The following CA10 variants were observed in gnomAD, a reference collection of about 807,000 sequenced individuals.
CA10 encodes carbonic anhydrase 10 (inactive), also known as carbonic anhydrase-related protein 10.
A neutral mutation model predicts 44.2 loss-of-function variants in CA10; 14 were observed. The ratio of observed to expected loss-of-function variants is 0.32; its 90% CI spans 0.21 to 0.50. The LOEUF is 0.50. Ranked by LOEUF, CA10 falls within the 20% of genes least tolerant of loss-of-function variation. The pLI is 0.99. For synonymous variants in CA10, 159 were observed against 141.6 expected (o/e 1.12, Z -0.87); for missense variants, 350 against 409.7 (o/e 0.85, Z 1.26).
Position 52,074,718 on chromosome 17 carries a change from G to T in CA10, c.62-2325C>A, listed in dbSNP as rs549478423. ...TGTAGTGCTTTAACTATAAATAAAA[G>T]AAATGTAATTTATAATAATATATAT... On this transcript the variant is annotated intron_variant, in intron 1 of 8. Transcript: ENST00000451037. 8.4e-4 allele frequency among the ~76,000 whole-genome samples: 127 copies of T among 151,856 alleles called. 1 individual carries two copies. The highest frequency in any genetic ancestry group is 2.9e-3 in the African/African-American group (121 of 41,406).
intron 3 of CA10, among the ~76,000 whole-genome samples, chr17:51,831,730 C>CAGA (rs1254847261): frequency 6.8e-6 from 1 of 146,208 alleles, no homozygotes; most frequent in African/African-American, 2.5e-5. Flanking sequence ...GCAGCAGCAG[C>CAGA]AGAAAAAGAC....
At chr17:51,824,062 A>G (rs1907919396) in intron 3 of CA10, among the ~76,000 whole-genome samples, 1 of 151,308 alleles carries the variant, frequency 6.6e-6, no homozygotes, top group Non-Finnish European at 1.5e-5. Flanking sequence ...AGATGAAAAC[A>G]TCATAACAAT....
At chr17:51,802,413 ATCT>A (rs1241935994) in intron 3 of CA10, among the ~76,000 whole-genome samples, 2 of 152,064 alleles carry the variant, frequency 1.3e-5, no homozygotes, top group East Asian at 3.9e-4. Flanking sequence ...AACTCATGTG[ATCT>A]TCATAAATGC....
chr17:51,671,815 C>T (rs1274279914), intron 4 of CA10, among the ~76,000 whole-genome samples: 2 of 152,164 alleles, frequency 1.3e-5, no homozygotes, highest in African/African-American at 2.4e-5. Context: ...TCCATGCTGG[C>T]CTTCTGGATT....
At chr17:51,780,577 G>A (rs1371261210) in intron 3 of CA10, among the ~76,000 whole-genome samples, 1 of 152,126 alleles carries the variant, frequency 6.6e-6, no homozygotes, top group African/African-American at 2.4e-5. Context: ...CATGATGAGG[G>A]GTAAGGATGC....
At chr17:51,916,221 G>A (rs980797279) in intron 3 of CA10, among the ~76,000 whole-genome samples, 1 of 152,304 alleles carries the variant, frequency 6.6e-6, no homozygotes, top group African/African-American at 2.4e-5. Context: ...AGGGGTAGAA[G>A]CTTAAACTGG....
intron 3 of CA10, among the ~76,000 whole-genome samples, chr17:51,827,472 CAT>C (rs1171221501): frequency 6.6e-6 from 1 of 152,092 alleles, no homozygotes; most frequent in African/African-American, 2.4e-5. Context: ...AATATGATAA[CAT>C]GTAGACATTA....
intron 2 of CA10, among the ~76,000 whole-genome samples, chr17:52,059,964 G>A (rs1236555111): frequency 6.6e-6 from 1 of 152,160 alleles, no homozygotes; most frequent in African/African-American, 2.4e-5. Context: ...AAGTGATCTG[G>A]TTCTAGGTCC....
intron 2 of CA10, among the ~76,000 whole-genome samples, chr17:52,051,932 G>A (rs1286268343): frequency 1.3e-5 from 2 of 152,018 alleles, no homozygotes; most frequent in Non-Finnish European, 2.9e-5. Flanking sequence ...TATACACCAT[G>A]GAATACTAGG....
intron 3 of CA10, among the ~76,000 whole-genome samples, chr17:51,905,526 CTTT>C (rs34606778): frequency 4.0e-5 from 4 of 99,818 alleles, no homozygotes; most frequent in African/African-American, 1.0e-4. Context: ...CCTATCAGTC[CTTT>C]TTTTTTTTTT....
intron 3 of CA10, among the ~76,000 whole-genome samples, chr17:51,854,649 C>T (rs1598083278): frequency 1.3e-5 from 2 of 152,208 alleles, no homozygotes; most frequent in South Asian, 4.2e-4. Flanking sequence ...GCAGAGGCAT[C>T]AAGTCTTGGT....
chr17:51,757,702 T>A (rs966268262), intron 3 of CA10, among the ~76,000 whole-genome samples: 1 of 152,252 alleles, frequency 6.6e-6, no homozygotes, highest in Non-Finnish European at 1.5e-5. Flanking sequence ...CATCTGGACC[T>A]GCCATTTACA....
chr17:51,805,978 T>C (rs565338121), intron 3 of CA10, among the ~76,000 whole-genome samples: 1 of 152,264 alleles, frequency 6.6e-6, no homozygotes, highest in African/African-American at 2.4e-5. Flanking sequence ...GCAGAGGGCA[T>C]AGCAAAGGCT....
At chr17:51,944,807 A>G (rs1359017198) in intron 2 of CA10, among the ~76,000 whole-genome samples, 1 of 152,168 alleles carries the variant, frequency 6.6e-6, no homozygotes, top group African/African-American at 2.4e-5. Flanking sequence ...GAGTTAAAAC[A>G]TTTGAAAAAT....
At chr17:51,864,060 C>A (rs1391119111) in intron 3 of CA10, among the ~76,000 whole-genome samples, 4 of 152,178 alleles carry the variant, frequency 2.6e-5, no homozygotes. Context: ...CTTTCTAATG[C>A]AGCCAGCTCC....
At chr17:51,831,057 G>A (rs1908222182) in intron 3 of CA10, among the ~76,000 whole-genome samples, 1 of 152,166 alleles carries the variant, frequency 6.6e-6, no homozygotes, top group Non-Finnish European at 1.5e-5. Context: ...CCATGTGTGG[G>A]CACTCACTAT....
intron 4 of CA10, among the ~76,000 whole-genome samples, chr17:51,686,230 G>C (rs1017480314): frequency 6.6e-6 from 1 of 152,150 alleles, no homozygotes; most frequent in Admixed American, 6.5e-5. Context: ...TCATTCACCT[G>C]CCATGATTGT....
intron 3 of CA10, among the ~76,000 whole-genome samples, chr17:51,766,890 C>A (rs1047172699): frequency 2.0e-5 from 3 of 152,146 alleles, no homozygotes; most frequent in African/African-American, 7.2e-5. Context: ...GTGCTAAGTT[C>A]AACATCCTGC....
intron 1 of CA10, among the ~76,000 whole-genome samples, chr17:52,108,614 C>A (rs1012975750): frequency 4.1e-5 from 6 of 147,332 alleles, no homozygotes; most frequent in Non-Finnish European, 7.4e-5. Flanking sequence ...GCAGGAGAAT[C>A]GCTTGAACCT....
Sources: gnomAD v4.1 joint callset for allele counts (sites outside exome capture counted in the v4.1 genomes callset) on GRCh38, gnomAD v4.1.1 for gene constraint, MANE v1.5 for transcripts, NCBI Gene and HGNC (gene_info 2026-07-23, HGNC 2026-07-21) for gene names.